DCST2: variants seen among roughly 807,000 people sequenced by gnomAD.
DCST2 encodes the protein DC-STAMP domain containing 2, also known as DC-STAMP domain-containing protein 2.
DCST2 carries 64 observed loss-of-function variants against 81.8 expected under a neutral mutation model. The observed-to-expected ratio is 0.78, with a 90% CI of 0.64 to 0.96. The LOEUF (loss-of-function observed/expected upper bound fraction) is 0.96. Ranked by LOEUF, DCST2 falls within the 40% of genes least tolerant of loss-of-function variation. The pLI is 0.00. For missense variants in DCST2, 945 were observed against 1,001.4 expected (o/e 0.94, Z 0.76); for synonymous variants, 354 against 402.6 (o/e 0.88, Z 1.44).
rs1558098241 is a variant in DCST2, at chr1:155,023,609, T to C, written c.1871-152A>G. ...ACTAGGGAGCTGCTGCAATGCCACT[T>C]GCATATAAATCCTATTCATAAATAC... On this transcript the variant is annotated intron_variant, in intron 12 of 14. Transcript: ENST00000368424. 3 of 1,546,484 alleles carry C rather than the reference T, an allele frequency of 1.9e-6. No individual in the cohort carries two copies. In the Admixed American group the frequency reaches 5.9e-5, roughly 30 times the overall value.
rs1275933857 is a variant in DCST2, at chr1:155,026,728, C to G, written c.1343-13G>C. ...ACCAACACAGGACCTGGCACAAAGA[C>G]ACTGTGTGAGTGACACTCATGGCAG... On this transcript the variant is annotated splice_polypyrimidine_tract_variant and intron_variant, in intron 8 of 14. Coordinates refer to ENST00000368424, the MANE Select transcript of DCST2 (RefSeq NM_144622.3). The G allele has an allele frequency of 2.5e-6, 4 of 1,613,898 alleles. No homozygotes were observed. The African/African-American group carries it at 4.0e-5, about 16-fold the overall frequency.
chr1:155,018,827 C>T, intron 14 of DCST2, 67 bp from the exon 15 acceptor site: 1 of 1,468,960 alleles, frequency 6.8e-7, no homozygotes, highest in Admixed American at 1.9e-5. Context: ...ATCCCTGCCC[C>T]CTGCCCTGCC....
Position 155,030,156 on chromosome 1 carries a change from C to T in DCST2, c.1105G>A (p.Val369Met). The change falls in exon 7 of 15, where the codon GTG (valine) becomes ATG (methionine). Residue 369 changes from valine to methionine, a missense_variant. Physicochemically the swap from Val to Met is conservative, Grantham distance 21 (BLOSUM62 1). Transcript: ENST00000368424. Reference protein sequence around the residue: ...ITSRFLRMEAVRSTAGLPTVL... With the variant: ...ITSRFLRMEAMRSTAGLPTVL... ...GTGGGCAGCCCTGCCGTGGAGCGCA[C>T]AGCCTCCATGCGCAGGAATCGGCTA... 1 of 1,614,206 alleles carries T rather than the reference C, an allele frequency of 6.2e-7. No homozygotes were observed. The highest frequency in any genetic ancestry group is 8.5e-7 in the Non-Finnish European group (1 of 1,180,026).
At position 155,030,430 on chromosome 1, in the gene DCST2, A is replaced by C; in HGVS notation, c.1019+2T>G. 6.2e-7 allele frequency: 1 copy of C among 1,612,980 alleles called. No homozygotes were observed. Among genetic ancestry groups the C allele is most frequent in the East Asian group, 2.2e-5 (1 of 44,822 alleles). ...CCCCCACGCTGCCCGGCAGCCCCTC[A>C]CTGGAGGTAGAGAAGCACAAGCAGC... On this transcript the variant is annotated splice_donor_variant, in intron 6 of 14. Coordinates refer to ENST00000368424, the MANE Select transcript of DCST2 (RefSeq NM_144622.3). LOFTEE classifies it high-confidence loss of function.
chr1:155,024,408 C>T (rs1322929575), intron 11 of DCST2, 64 bp downstream of exon 11: 1 of 1,496,460 alleles, frequency 6.7e-7, no homozygotes, highest in Admixed American at 2.3e-5. Context: ...GAAATCCATT[C>T]CAACTCCTGG....
Position 155,025,686 on chromosome 1 carries a change from T to C in DCST2, c.1611+616A>G, listed in dbSNP as rs547996974. Among the ~76,000 whole-genome samples the C allele has an allele frequency of 1.7e-3, 263 of 150,596 alleles. 1 individual carries two copies. The highest frequency in any genetic ancestry group is 5.9e-3 in the African/African-American group (240 of 41,016). ...CAACACTGCCCCCACCTCACCACCA[T>C]GTTTTTTTGTTTTGTTTTGTTTTGT... On this transcript the variant is annotated intron_variant, in intron 10 of 14. Transcript: ENST00000368424.
At position 155,030,618 on chromosome 1, in the gene DCST2, C is replaced by T. The variant is rs781765660; in HGVS notation, c.833G>A (p.Arg278His). 14 of 1,613,958 alleles carry T rather than the reference C, an allele frequency of 8.7e-6. No homozygotes were observed. Among genetic ancestry groups the T allele is most frequent in the Middle Eastern group, 1.6e-4 (1 of 6,084 alleles). ...TGTCATGTTGAACTCAAACTCCTGACGCACCCGGTTGAGCAACTGAATCAC... is the reference window on the plus strand; with the variant it reads ...TGTCATGTTGAACTCAAACTCCTGATGCACCCGGTTGAGCAACTGAATCAC... ...TPVIQLLNRV[R>H]QEFEFNMTAT... The change falls in exon 6 of 15, where the codon CGT (arginine) becomes CAT (histidine). Residue 278 changes from arginine (R) to histidine (H), a missense_variant. Coordinates refer to ENST00000368424, the MANE Select transcript of DCST2 (RefSeq NM_144622.3).
At chr1:155,023,802 G>C (rs943956417) in intron 12 of DCST2, 30 bp downstream of exon 12, 2 of 1,611,558 alleles carry the variant, frequency 1.2e-6, no homozygotes, top group African/African-American at 1.3e-5. Flanking sequence ...AGTCCGAGCA[G>C]GGAGAGGCAC....
chr1:155,032,887 A>G, intron 2 of DCST2, 119 bp from the exon 3 acceptor site: 1 of 1,099,280 alleles, frequency 9.1e-7, no homozygotes, highest in Non-Finnish European at 1.3e-6. Context: ...GGAAGCCTGG[A>G]TTCTGGGGCC....
chr1:155,021,972 T>C (rs1256956633), intron 14 of DCST2, among the ~76,000 whole-genome samples: 2 of 151,302 alleles, frequency 1.3e-5, no homozygotes, highest in Non-Finnish European at 2.9e-5. Context: ...GTTCAAGCAA[T>C]TCTCCTGCCT....
Position 155,018,764 on chromosome 1 carries a change from G to C in DCST2, c.2106-4C>G. The C allele has an allele frequency of 6.2e-7, 1 of 1,612,062 alleles. No individual in the cohort carries two copies. The highest frequency in any genetic ancestry group is 8.5e-7 in the Non-Finnish European group (1 of 1,179,622). ...CCCCTTCTCCTCATCCAGGTCACTAGTGAGGAGAGGAAGGGGGTGGCCGGA... is the reference window on the plus strand; with the variant it reads ...CCCCTTCTCCTCATCCAGGTCACTACTGAGGAGAGGAAGGGGGTGGCCGGA... On this transcript the variant is annotated splice_polypyrimidine_tract_variant and splice_region_variant and intron_variant, in intron 14 of 14. Transcript: ENST00000368424.
chr1:155,033,123 A>C lies in DCST2; in HGVS notation c.410T>G (p.Val137Gly), dbSNP rs1371234929. 6.3e-7 allele frequency: 1 copy of C among 1,596,328 alleles called. No individual in the cohort carries two copies. Among genetic ancestry groups the C allele is most frequent in the Non-Finnish European group, 8.5e-7 (1 of 1,172,164 alleles). ...AAGAGGTTGCTTGGCCCTCTGTAGC[A>C]CTTCGGCGGTCTGGTTCAGGGCCAG... is the stretch of plus-strand genomic sequence containing the variant. ...AELALNQTAE[V>G]LQRAKQPLVS... The change falls in exon 2 of 15, where the codon GTG becomes GGG. Residue 137 changes from valine (V) to glycine (G), a missense_variant. Coordinates refer to ENST00000368424, the MANE Select transcript of DCST2 (RefSeq NM_144622.3).
At chr1:155,019,050 G>A (rs1167585136) in intron 14 of DCST2, among the ~76,000 whole-genome samples, 1 of 152,162 alleles carries the variant, frequency 6.6e-6, no homozygotes. Context: ...TGTCCCCTCT[G>A]CTGACCCAGC....
rs780145380 is a variant in DCST2, at chr1:155,033,482, G to A, written c.220C>T (p.Arg74Cys). ...AFLSLGMGFS[R>C]QVRATVLLLL... The stretch of plus-strand genomic sequence containing the variant: ...AGGAGGACAGTGGCTCGGACCTGGC[G>A]AGAGAATCCCATGCCCAGGCTAAGG... Residue 74 changes from arginine (R) to cysteine (C), a missense_variant, in exon 1 of 15, where the codon CGC (arginine) becomes TGC (cysteine). Physicochemically the swap from Arg to Cys is radical, Grantham distance 180. Coordinates refer to ENST00000368424, the MANE Select transcript of DCST2 (RefSeq NM_144622.3). 1.3e-4 allele frequency: 206 copies of A among 1,613,808 alleles called. No homozygotes were observed. The highest frequency in any genetic ancestry group is 1.6e-4 in the Non-Finnish European group (191 of 1,179,942).
At chr1:155,031,905 A>G in intron 3 of DCST2, 134 bp from the exon 4 acceptor site, 1 of 921,916 alleles carries the variant, frequency 1.1e-6, no homozygotes, top group Non-Finnish European at 1.6e-6. Flanking sequence ...GTGTCCAGTG[A>G]ACACTAGCCA....
chr1:155,023,149 C>G lies in DCST2; in HGVS notation c.2073G>C (p.Arg691Ser), dbSNP rs1264145062. The G allele has an allele frequency of 1.2e-6, 2 of 1,613,746 alleles. No homozygotes were observed. Among genetic ancestry groups the G allele is most frequent in the Middle Eastern group, 1.7e-4 (1 of 6,006 alleles). ...LQQQLQEVLGRSLSMESTSES... is the reference protein window; with the variant it reads ...LQQQLQEVLGSSLSMESTSES... The stretch of plus-strand genomic sequence containing the variant: ...CGGAAGTGGACTCCATTGAGAGGCT[C>G]CTGCCGAGCACTTCTTGGAGCTGTT... The change falls in exon 14 of 15, where the codon AGG becomes AGC. Residue 691 changes from arginine to serine, a missense_variant. Transcript: ENST00000368424.
chr1:155,031,892 G>T, intron 3 of DCST2, 121 bp from the exon 4 acceptor site: 1 of 1,063,998 alleles, frequency 9.4e-7, no homozygotes, highest in Non-Finnish European at 1.4e-6. Context: ...ACCTGGCTGT[G>T]CTGTGTCCAG....
chr1:155,032,425 C>T (rs1443516107), intron 3 of DCST2, among the ~76,000 whole-genome samples: 1 of 151,894 alleles, frequency 6.6e-6, no homozygotes, highest in African/African-American at 2.4e-5. Flanking sequence ...CATAGCCTCC[C>T]CAGTAGCTGG....
intron 3 of DCST2, 72 bp from the exon 4 acceptor site, chr1:155,031,843 T>C (rs1660095519): frequency 6.8e-7 from 1 of 1,469,630 alleles, no homozygotes; most frequent in Admixed American, 1.9e-5. Flanking sequence ...TGGGGAACAA[T>C]ACCACAGTAT....
Sources: gnomAD v4.1 joint callset for allele counts (sites outside exome capture counted in the v4.1 genomes callset) on GRCh38, gnomAD v4.1.1 for gene constraint, MANE v1.5 for transcripts, NCBI Gene and HGNC (gene_info 2026-07-23, HGNC 2026-07-21) for gene names.